FBN3: variants seen among roughly 807,000 people sequenced by gnomAD.
FBN3 encodes the protein fibrillin 3.
A neutral mutation model predicts 330.1 loss-of-function variants in FBN3; 234 were observed. The observed-to-expected ratio is 0.71, with a 90% confidence interval of 0.64 to 0.79. The LOEUF is 0.79. FBN3 is among the 30% of genes least tolerant of loss of function. The probability of loss-of-function intolerance (pLI) is 0.00; values close to 1 mark genes in which losing one functional copy is unlikely to be tolerated. For synonymous variants in FBN3, 1,458 were observed against 1,517.3 expected (o/e 0.96, Z 0.91); for missense variants, 3,606 against 3,886.9 (o/e 0.93, Z 1.92).
In FBN3 at chr19:8,138,181, C is replaced by T. The variant is rs138035274; in HGVS notation, c.1161G>A (p.Ala387=). ...CAGGGCCCAGGCTGGGGATCCCACGCGCATCAGAGCCATGGGGGTTGAGTC... is the reference window on the plus strand; with the variant it reads ...CAGGGCCCAGGCTGGGGATCCCACGTGCATCAGAGCCATGGGGGTTGAGTC... ...PARLNPHGSD[A]RGIPSLGPGN... Residue 387 remains alanine (A), a synonymous_variant, in exon 10 of 64, where the codon GCG becomes GCA. Coordinates refer to ENST00000600128, the MANE Select transcript of FBN3 (RefSeq NM_032447.5). 583 of 1,612,538 alleles carry T rather than the reference C, an allele frequency of 3.6e-4. 6 individuals carry two copies. The highest frequency in any genetic ancestry group is 3.3e-4 in the Middle Eastern group (2 of 6,056).
rs766536311 is a variant in FBN3, at chr19:8,081,159, A to G, written c.7337-40T>C. 20 of 1,575,936 alleles carry G rather than the reference A, an allele frequency of 1.3e-5. No individual in the cohort carries two copies. The South Asian group carries it at 2.2e-4, about 17-fold the overall frequency. ...GTCCAGCAGGCTCAGGGCAGGGCCCAGTGGGGGATTAGGGGCTTCCCAGGG... is the reference window on the plus strand; with the variant it reads ...GTCCAGCAGGCTCAGGGCAGGGCCCGGTGGGGGATTAGGGGCTTCCCAGGG... On this transcript the variant is annotated intron_variant, in intron 58 of 63. Transcript: ENST00000600128.
chr19:8,089,813 T>C, intron 50 of FBN3, 81 bp downstream of exon 50: 1 of 1,532,210 alleles, frequency 6.5e-7, no homozygotes, highest in Non-Finnish European at 8.8e-7. Flanking sequence ...AGGGGGAGCC[T>C]GAAACTCAGA....
chr19:8,103,837 G>T, intron 38 of FBN3, 150 bp from the exon 39 acceptor site: 2 of 681,658 alleles, frequency 2.9e-6, no homozygotes, highest in South Asian at 1.9e-5. Flanking sequence ...TCTTAGTGAT[G>T]AAGAAAGCTA....
chr19:8,126,128 A>C lies in FBN3; in HGVS notation c.2606-111T>G, dbSNP rs935323255. 2.0e-6 allele frequency: 3 copies of C among 1,514,308 alleles called. No homozygotes were observed. In the African/African-American group the frequency reaches 4.1e-5, roughly 21 times the overall value. 93.8% of individuals were successfully genotyped at this position (1,514,308 alleles called of 1,614,324 possible). A position where few individuals can be genotyped will look rare whatever the true frequency, so the allele number is the denominator to read the frequency against. On this transcript the variant is annotated intron_variant, in intron 21 of 63. Coordinates refer to ENST00000600128, the MANE Select transcript of FBN3 (RefSeq NM_032447.5). ...GAGGAGGAAGGAAGGGGACGGGGACACGGGGACTGGGGACTTTCAAGAAGG... is the reference window on the plus strand; with the variant it reads ...GAGGAGGAAGGAAGGGGACGGGGACCCGGGGACTGGGGACTTTCAAGAAGG...
Position 8,118,961 on chromosome 19 carries a change from A to G in FBN3, c.3273T>C (p.Asp1091=). Residue 1091 remains aspartate (D), a synonymous_variant, in exon 26 of 64, where the codon GAT becomes GAC. Transcript: ENST00000600128. ...LCRGGTCTNT[D]GSYKCQCPPG... is the part of the protein sequence containing the mutation. Reference sequence around the variant, plus strand: ...GGGGACACTGGCACTTGTAGCTCCCATCCGTGTTGGTGCAAGTGCCTCCCC... The same window carrying G: ...GGGGACACTGGCACTTGTAGCTCCCGTCCGTGTTGGTGCAAGTGCCTCCCC... 1 of 1,613,086 alleles carries G rather than the reference A, an allele frequency of 6.2e-7. No homozygotes were observed. Among genetic ancestry groups the G allele is most frequent in the Non-Finnish European group, 8.5e-7 (1 of 1,179,092 alleles).
rs1256793115 is a variant in FBN3 at position 8,091,353 on chromosome 19, T to G, written c.6031+112A>C. ...GCTAATGCAAACAGACACCTCTGCC[T>G]GGTCAGAGCTCCCAAAGGGTCACAC... On this transcript the variant is annotated intron_variant, in intron 48 of 63. Coordinates refer to ENST00000600128, the MANE Select transcript of FBN3 (RefSeq NM_032447.5). 6.5e-6 allele frequency: 9 copies of G among 1,387,880 alleles called. No individual in the cohort carries two copies. In the African/African-American group the frequency reaches 1.3e-4, roughly 20 times the overall value. The allele number at this position is 1,387,880 out of a possible 1,614,324, so 86.0% of individuals were successfully genotyped here.
chr19:8,073,225 C>T lies in FBN3; in HGVS notation c.7775G>A (p.Arg2592His), dbSNP rs760264358. The change falls in exon 62 of 64, where the codon CGC becomes CAC. Residue 2592 changes from arginine (R) to histidine (H), a missense_variant. By Grantham distance (29) the Arg-to-His change is conservative (BLOSUM62 0). Transcript: ENST00000600128. ...ASCRNTLGGF[R>H]CVCPSGFDFD... ...GTCAAAGCCAGAGGGGCAGACGCAG[C>T]GGAAGCCACCAAGAGTGTTGCGACA... 7.4e-5 allele frequency: 119 copies of T among 1,613,914 alleles called. No homozygotes were observed. Among genetic ancestry groups the T allele is most frequent in the Middle Eastern group, 6.6e-4 (4 of 6,082 alleles).
rs2082908487 is a variant in FBN3, at chr19:8,123,686, T to A, written c.2957-97A>T. 1.9e-6 allele frequency: 3 copies of A among 1,592,206 alleles called. No individual in the cohort carries two copies. The East Asian group carries it at 6.7e-5, about 36-fold the overall frequency. On this transcript the variant is annotated intron_variant, in intron 23 of 63. Transcript: ENST00000600128. ...TTCTTAGTGCCTCGCCTTACCCACATCCCCTTTTCCCCCAAACACACTTCC... is the reference window on the plus strand; with the variant it reads ...TTCTTAGTGCCTCGCCTTACCCACAACCCCTTTTCCCCCAAACACACTTCC...
At chr19:8,144,794 T>C in intron 6 of FBN3, 83 bp downstream of exon 6, 1 of 1,139,210 alleles carries the variant, frequency 8.8e-7, no homozygotes, top group Non-Finnish European at 1.3e-6. Flanking sequence ...TTTCAAGGCC[T>C]GGCCATGTCT....
Position 8,146,218 on chromosome 19 carries a change from A to G in FBN3, c.258T>C (p.Cys86=). ...AGAAGCCTTCACCGCAGGCGCGCCT[A>G]CAGATGGCTGGATGAGTGCAGCGGG... ...PGRSQCVVPI[C]RRACGEGFCS... is the part of the protein sequence containing the mutation. The change falls in exon 4 of 64, where the codon TGT becomes TGC. Residue 86 remains cysteine, a synonymous_variant. Coordinates refer to ENST00000600128, the MANE Select transcript of FBN3 (RefSeq NM_032447.5). 1 of 1,592,828 alleles carries G rather than the reference A, an allele frequency of 6.3e-7. No homozygotes were observed. The highest frequency in any genetic ancestry group is 2.3e-5 in the East Asian group (1 of 44,160).
intron 6 of FBN3, among the ~76,000 whole-genome samples, chr19:8,142,357 C>G (rs7252584): frequency 0.14 from 20,987 of 152,100 alleles, 1,513 homozygotes; most frequent in East Asian, 0.19. Context: ...TGACCAACTT[C>G]CAAGAGACCA....
At chr19:8,080,599 G>A (rs968872154) in intron 59 of FBN3, among the ~76,000 whole-genome samples, 1 of 152,160 alleles carries the variant, frequency 6.6e-6, no homozygotes, top group Non-Finnish European at 1.5e-5. Flanking sequence ...TGTCCCCAAT[G>A]TCCAATACAC....
Position 8,068,106 on chromosome 19 carries a change from G to C in FBN3, c.8089-1846C>G, listed in dbSNP as rs186059181. On this transcript the variant is annotated intron_variant, in intron 63 of 63. Transcript: ENST00000600128. Reference sequence around the variant, plus strand: ...ATTGATTTTAAAAATCAATAAATAGGCTGGGCGCAGTGGCTCACACCTGTA... The same window carrying C: ...ATTGATTTTAAAAATCAATAAATAGCCTGGGCGCAGTGGCTCACACCTGTA... Among the ~76,000 whole-genome samples the C allele has an allele frequency of 2.7e-3, 414 of 152,092 alleles. 4 individuals carry two copies. The highest frequency in any genetic ancestry group is 2.4e-3 in the Admixed American group (36 of 15,264).
intron 41 of FBN3, among the ~76,000 whole-genome samples, chr19:8,100,121 G>A (rs547181706): frequency 1.3e-4 from 20 of 151,962 alleles, no homozygotes; most frequent in African/African-American, 4.1e-4. Flanking sequence ...CAAATCCTAC[G>A]TGGTTCCACT....
rs773296307 is a variant in FBN3 at position 8,111,652 on chromosome 19, G to T, written c.4080C>A (p.Cys1360Ter). The part of the protein sequence containing the change: ...RQGFAGDGFF[C>*]EDRDECAENV... Reference sequence around the variant, plus strand: ...CTCCCACCCCTCTAATCTCACCTTCGCAGAAGAAGCCATCCCCGGCAAAGC... The same window carrying T: ...CTCCCACCCCTCTAATCTCACCTTCTCAGAAGAAGCCATCCCCGGCAAAGC... Residue 1360 changes from cysteine (C) to a stop codon, truncating the protein, a stop_gained, in exon 32 of 64, where the codon TGC becomes TGA. Coordinates refer to ENST00000600128, the MANE Select transcript of FBN3 (RefSeq NM_032447.5). LOFTEE classifies it high-confidence loss of function. 5.7e-6 allele frequency: 9 copies of T among 1,579,718 alleles called. No homozygotes were observed. Among genetic ancestry groups the T allele is most frequent in the Admixed American group, 1.7e-5 (1 of 57,680 alleles).
Position 8,135,940 on chromosome 19 carries a change from AC to A in FBN3, c.1591+20del. 5.9e-6 allele frequency: 1 copy of A among 168,302 alleles called. No individual in the cohort carries two copies. Among genetic ancestry groups the A allele is most frequent in the Non-Finnish European group, 1.1e-5 (1 of 91,470 alleles). The allele number at this position is 168,302 out of a possible 1,614,324, so 10.4% of individuals were successfully genotyped here. A position where few individuals can be genotyped will look rare whatever the true frequency, so the allele number is the denominator to read the frequency against. Reference sequence around the variant, plus strand: ...TAGTGGGGCCCGGAAGCCCCTGCCCACCCGCCCACCCCCAACTCACCCACAC... The same window carrying A: ...TAGTGGGGCCCGGAAGCCCCTGCCCACCGCCCACCCCCAACTCACCCACAC... On this transcript the variant is annotated intron_variant, in intron 13 of 63. Transcript: ENST00000600128.
In FBN3 at chr19:8,090,192, C is replaced by G; in HGVS notation, c.6091G>C (p.Ala2031Pro). The part of the protein sequence containing the change: ...FEAGKCSVPK[A>P]FNTTKTRCCC... Reference sequence around the variant, plus strand: ...CAGCGGGTCTTGGTGGTGTTGAAAGCTTTGGGCACCGAGCACTTCCCAGCC... The same window carrying G: ...CAGCGGGTCTTGGTGGTGTTGAAAGGTTTGGGCACCGAGCACTTCCCAGCC... The change falls in exon 49 of 64, where the codon GCT (alanine) becomes CCT (proline). Residue 2031 changes from alanine to proline, a missense_variant. Coordinates refer to ENST00000600128, the MANE Select transcript of FBN3 (RefSeq NM_032447.5). The G allele has an allele frequency of 1.9e-6, 3 of 1,614,094 alleles. No individual in the cohort carries two copies. The highest frequency in any genetic ancestry group is 2.5e-6 in the Non-Finnish European group (3 of 1,180,000).
At chr19:8,139,686 C>G (rs939774677) in intron 8 of FBN3, among the ~76,000 whole-genome samples, 1 of 151,930 alleles carries the variant, frequency 6.6e-6, no homozygotes, top group Non-Finnish European at 1.5e-5. Flanking sequence ...GACAGGCTCC[C>G]CAGGTATGAG....
At chr19:8,099,179 T>C (rs1179511990) in intron 41 of FBN3, among the ~76,000 whole-genome samples, 2 of 151,526 alleles carry the variant, frequency 1.3e-5, no homozygotes, top group Admixed American at 6.6e-5. Flanking sequence ...GAAAGAAATA[T>C]TCCAGCCATA....
Sources: allele counts gnomAD v4.1 joint callset (sites outside exome capture counted in the v4.1 genomes callset), GRCh38; gene constraint gnomAD v4.1.1; transcripts MANE v1.5; gene names NCBI Gene and HGNC (gene_info 2026-07-23, HGNC 2026-07-21).